CDH7: variants seen among roughly 807,000 people sequenced by gnomAD.
CDH7 encodes cadherin-7.
In CDH7, 25 loss-of-function variants were observed where a neutral mutation model predicts 71.8. That is an observed-to-expected ratio of 0.35 (90% confidence interval 0.25 to 0.49). CDH7 has a LOEUF of 0.49. Among genes scored for constraint, CDH7 ranks in the 20% least tolerant of loss-of-function variants. The pLI is 0.99. For synonymous variants in CDH7, 381 were observed against 363.8 expected (o/e 1.05, Z -0.54); for missense variants, 862 against 974.6 (o/e 0.88, Z 1.54).
intron 6 of CDH7, 35 bp downstream of exon 6, chr18:65,824,866 T>C (rs755877252): frequency 7.0e-7 from 1 of 1,422,682 alleles, no homozygotes; most frequent in Non-Finnish European, 9.7e-7. Context: ...TATCACAGAT[T>C]ACTGAGAAGT....
At chr18:65,818,898 T>A (rs1599027887) in intron 4 of CDH7, among the ~76,000 whole-genome samples, 1 of 152,216 alleles carries the variant, frequency 6.6e-6, no homozygotes, top group Admixed American at 6.5e-5. Flanking sequence ...CATTGGCTGC[T>A]CCATTTTGGT....
At chr18:65,836,916 A>G (rs182289775) in intron 6 of CDH7, among the ~76,000 whole-genome samples, 2 of 152,124 alleles carry the variant, frequency 1.3e-5, no homozygotes, top group African/African-American at 4.8e-5. Flanking sequence ...TTTTATAAGA[A>G]TCTCAAGTCT....
intron 11 of CDH7, among the ~76,000 whole-genome samples, chr18:65,877,861 T>A (rs772848107): frequency 5.3e-5 from 8 of 152,204 alleles, no homozygotes; most frequent in Non-Finnish European, 1.2e-4. Context: ...ATTTTAAAAA[T>A]TGTTGTCTTT....
intron 11 of CDH7, among the ~76,000 whole-genome samples, chr18:65,871,029 A>T (rs1056954195): frequency 3.9e-5 from 6 of 152,194 alleles, no homozygotes; most frequent in Admixed American, 6.5e-5. Context: ...ATAATTCATT[A>T]TTCTACCGTC....
At chr18:65,752,776 G>T (rs1484430359) in intron 1 of CDH7, among the ~76,000 whole-genome samples, 2 of 152,190 alleles carry the variant, frequency 1.3e-5, no homozygotes, top group Non-Finnish European at 2.9e-5. Context: ...AGCCGAGTCT[G>T]TCTGAGGAAA....
chr18:65,868,492 G>A (rs924449052), intron 11 of CDH7, among the ~76,000 whole-genome samples: 2 of 152,176 alleles, frequency 1.3e-5, no homozygotes, highest in Non-Finnish European at 2.9e-5. Flanking sequence ...TTCCCCACGT[G>A]AAAGACCTCT....
chr18:65,806,782 A>T (rs1314556064), intron 2 of CDH7, among the ~76,000 whole-genome samples: 1 of 152,102 alleles, frequency 6.6e-6, no homozygotes, highest in Non-Finnish European at 1.5e-5. Flanking sequence ...ACTCTTTTTC[A>T]TCAAGGAGAG....
At chr18:65,824,110 C>T (rs1167848117) in intron 5 of CDH7, among the ~76,000 whole-genome samples, 2 of 150,578 alleles carry the variant, frequency 1.3e-5, no homozygotes, top group African/African-American at 2.4e-5. Flanking sequence ...CTACATACAA[C>T]CCACACAAAT....
chr18:65,818,183 A>C lies in CDH7; in HGVS notation c.625+3579A>C, dbSNP rs148336241. Among the ~76,000 whole-genome samples, 1,116 of 152,328 alleles carry C rather than the reference A, an allele frequency of 7.3e-3. 12 individuals are homozygous for C. The highest frequency in any genetic ancestry group is 0.026 in the African/African-American group (1,071 of 41,568). On this transcript the variant is annotated intron_variant, in intron 4 of 11. Transcript: ENST00000397968. ...AGTCTCAAAGATACACACACCTAAG[A>C]ATGTCTATACATCCCATTCTCCATT...
chr18:65,809,366 G>A (rs1289028163), intron 2 of CDH7, among the ~76,000 whole-genome samples: 1 of 152,192 alleles, frequency 6.6e-6, no homozygotes, highest in Non-Finnish European at 1.5e-5. Flanking sequence ...CATTATACAT[G>A]TTTACTGAAT....
intron 3 of CDH7, among the ~76,000 whole-genome samples, chr18:65,811,629 C>A (rs1269253154): frequency 6.6e-6 from 1 of 152,138 alleles, no homozygotes; most frequent in Non-Finnish European, 1.5e-5. Flanking sequence ...AGAAAGGGCA[C>A]ATTTTCCTCC....
intron 1 of CDH7, among the ~76,000 whole-genome samples, chr18:65,762,091 A>T (rs1916207175): frequency 6.6e-6 from 1 of 152,202 alleles, no homozygotes. Context: ...ATCAAATCAG[A>T]ACACATCAAA....
chr18:65,859,031 T>C lies in CDH7; in HGVS notation c.1479T>C (p.Asn493=). ...ACTATGAGACCACCGTCTGTGAAAA[T>C]GCCCAGCCGGGGCAGGTAAGAGTCT... ...AMDYETTVCE[N]AQPGQVIQKI... is the part of the protein sequence containing the mutation. Residue 493 remains asparagine (N), a synonymous_variant, in exon 9 of 12, where the codon AAT becomes AAC. Transcript: ENST00000397968. 6.2e-7 allele frequency: 1 copy of C among 1,613,558 alleles called. No homozygotes were observed. The highest frequency in any genetic ancestry group is 8.5e-7 in the Non-Finnish European group (1 of 1,179,566).
intron 6 of CDH7, among the ~76,000 whole-genome samples, chr18:65,840,628 A>T (rs1469027729): frequency 6.6e-6 from 1 of 152,046 alleles, no homozygotes; most frequent in African/African-American, 2.4e-5. Flanking sequence ...TGGTTTTATA[A>T]GGGGGAGTTT....
intron 2 of CDH7, among the ~76,000 whole-genome samples, chr18:65,778,025 C>A (rs143154265): frequency 1.7e-3 from 259 of 152,254 alleles, no homozygotes; most frequent in African/African-American, 5.9e-3. Flanking sequence ...ATAATCCCAG[C>A]ACTTTGGAAA....
Position 65,781,866 on chromosome 18 carries a change from C to CTTTCTT in CDH7, c.210+18815_210+18816insTTCTTT, listed in dbSNP as rs762734965. On this transcript the variant is annotated intron_variant, in intron 2 of 11. Transcript: ENST00000397968. ...TCTTTCTTTCTTTCTTTCTTTCTTTCTCTCTCTCTCTCTGTCTCTCTCTCT... is the reference window on the plus strand; with the variant it reads ...TCTTTCTTTCTTTCTTTCTTTCTTTCTTTCTTTCTCTCTCTCTCTGTCTCTCTCTCT... 3.4e-3 allele frequency among the ~76,000 whole-genome samples: 203 copies of CTTTCTT among 59,622 alleles called. 32 individuals carry two copies. The highest frequency in any genetic ancestry group is 0.026 in the Middle Eastern group (2 of 78). 39.1% of individuals were successfully genotyped at this position (59,622 alleles called of 152,430 possible).
chr18:65,752,677 G>A (rs571914316), intron 1 of CDH7, among the ~76,000 whole-genome samples: 3 of 152,314 alleles, frequency 2.0e-5, no homozygotes, highest in African/African-American at 4.8e-5. Context: ...CTTTGTGGAA[G>A]TCTTGCTTCT....
intron 7 of CDH7, among the ~76,000 whole-genome samples, chr18:65,855,507 G>A (rs986834124): frequency 3.4e-5 from 4 of 118,346 alleles, no homozygotes; most frequent in Admixed American, 2.0e-4. Flanking sequence ...TAGAATAAAC[G>A]GATCAATTTT....
intron 6 of CDH7, among the ~76,000 whole-genome samples, chr18:65,837,215 G>A (rs562170000): frequency 6.6e-6 from 1 of 152,262 alleles, no homozygotes; most frequent in South Asian, 2.1e-4. Context: ...AAATTGCACA[G>A]GACAGTTTAA....
Sources: gnomAD v4.1 joint callset for allele counts (sites outside exome capture counted in the v4.1 genomes callset) on GRCh38, gnomAD v4.1.1 for gene constraint, MANE v1.5 for transcripts, NCBI Gene and HGNC (gene_info 2026-07-23, HGNC 2026-07-21) for gene names.